The following GMDS variants were observed in gnomAD, a reference collection of about 807,000 sequenced individuals.
GMDS encodes the protein GDP-mannose 4,6 dehydratase.
In GMDS, 20 loss-of-function variants were observed where a neutral mutation model predicts 49.9. The ratio of observed to expected loss-of-function variants is 0.40; its 90% CI spans 0.28 to 0.58. The LOEUF is 0.58. GMDS is among the 20% of genes least tolerant of loss of function. GMDS has a pLI of 0.42. For missense variants in GMDS, 362 were observed against 481.4 expected (o/e 0.75, Z 2.32); for synonymous variants, 177 against 178.6 (o/e 0.99, Z 0.07).
chr6:2,013,339 A>G (rs1020248279), intron 4 of GMDS, among the ~76,000 whole-genome samples: 4 of 152,178 alleles, frequency 2.6e-5, no homozygotes, highest in African/African-American at 9.7e-5. Flanking sequence ...AAAACCTCAC[A>G]CTAAAAGCTT....
intron 9 of GMDS, among the ~76,000 whole-genome samples, chr6:1,690,612 T>TGACATATTA (rs1765137741): frequency 6.6e-6 from 1 of 152,200 alleles, no homozygotes; most frequent in African/African-American, 2.4e-5. Flanking sequence ...TCTATCCATC[T>TGACATATTA]GACAAAGGTC....
At chr6:1,925,097 G>C (rs1761928638) in intron 7 of GMDS, among the ~76,000 whole-genome samples, 1 of 152,152 alleles carries the variant, frequency 6.6e-6, no homozygotes, top group Non-Finnish European at 1.5e-5. Flanking sequence ...TGTTCAAAAT[G>C]CAACAGTAAT....
chr6:2,210,949 T>C (rs1431595814), intron 1 of GMDS, among the ~76,000 whole-genome samples: 1 of 152,160 alleles, frequency 6.6e-6, no homozygotes, highest in East Asian at 1.9e-4. Flanking sequence ...GATCTGATGG[T>C]TTAAAAGTGT....
At chr6:2,071,880 T>C (rs1438451616) in intron 4 of GMDS, among the ~76,000 whole-genome samples, 3 of 152,192 alleles carry the variant, frequency 2.0e-5, no homozygotes, top group Non-Finnish European at 4.4e-5. Context: ...TCTTGGGAAG[T>C]TCACAGCACA....
intron 7 of GMDS, among the ~76,000 whole-genome samples, chr6:1,870,375 G>A (rs188309822): frequency 3.3e-4 from 50 of 152,268 alleles, no homozygotes; most frequent in African/African-American, 1.2e-3. Context: ...CAGCAACGAA[G>A]ATACGCCCAA....
intron 7 of GMDS, among the ~76,000 whole-genome samples, chr6:1,862,397 G>A (rs987073632): frequency 2.6e-5 from 4 of 152,150 alleles, no homozygotes; most frequent in South Asian, 4.1e-4. Context: ...CTTCGAATCC[G>A]GGGGGACATC....
chr6:1,694,485 C>T (rs12206340), intron 9 of GMDS, among the ~76,000 whole-genome samples: 11,857 of 152,244 alleles, frequency 0.078, 520 homozygotes, highest in East Asian at 0.11. Flanking sequence ...TAAGGTCACA[C>T]TGCAGTAAAT....
chr6:2,143,309 T>C (rs144879666), intron 1 of GMDS, among the ~76,000 whole-genome samples: 24 of 152,152 alleles, frequency 1.6e-4, no homozygotes, highest in South Asian at 1.2e-3. Flanking sequence ...ACATTGTCAA[T>C]TGAGGGGCAC....
chr6:1,776,054 G>A (rs556080040), intron 7 of GMDS, among the ~76,000 whole-genome samples: 18 of 152,264 alleles, frequency 1.2e-4, no homozygotes, highest in South Asian at 1.0e-3. Context: ...TGCTACCGTC[G>A]TGGAATGACA....
At chr6:1,973,022 A>C (rs1764705648) in intron 4 of GMDS, among the ~76,000 whole-genome samples, 1 of 152,222 alleles carries the variant, frequency 6.6e-6, no homozygotes, top group African/African-American at 2.4e-5. Flanking sequence ...TGGTAGTGAC[A>C]AAATTTCAGT....
At chr6:1,819,774 A>ATATATATATATATAT (rs1554123170) in intron 7 of GMDS, among the ~76,000 whole-genome samples, 4 of 123,778 alleles carry the variant, frequency 3.2e-5, no homozygotes, top group African/African-American at 1.1e-4. Context: ...AAAAAAAAAA[A>ATATATATATATATAT]AAATATATAT....
At position 2,121,165 on chromosome 6, in the gene GMDS, C is replaced by T. The variant is rs79551503; in HGVS notation, c.147+3522G>A. Among the ~76,000 whole-genome samples, 128 of 152,312 alleles carry T rather than the reference C, an allele frequency of 8.4e-4. 2 individuals carry two copies. In the East Asian group the frequency reaches 0.023, roughly 27 times the overall value. On this transcript the variant is annotated intron_variant, in intron 2 of 10. Coordinates refer to ENST00000380815, the MANE Select transcript of GMDS (RefSeq NM_001500.4). ...CAGGTGTCCAGTGCCCAGCCTGAGG[C>T]TCCTTTGCCACAGCGAGCTAACCAC... is the stretch of plus-strand genomic sequence containing the variant.
At chr6:1,924,616 C>G (rs1162626011) in intron 7 of GMDS, among the ~76,000 whole-genome samples, 1 of 152,164 alleles carries the variant, frequency 6.6e-6, no homozygotes, top group African/African-American at 2.4e-5. Flanking sequence ...TCATTGGGAC[C>G]ATATACTGCC....
At chr6:2,116,373 T>C (rs1324429361) in intron 3 of GMDS, among the ~76,000 whole-genome samples, 1 of 152,216 alleles carries the variant, frequency 6.6e-6, no homozygotes, top group Non-Finnish European at 1.5e-5. Flanking sequence ...TGTGGTGACA[T>C]AATTGATTGA....
At chr6:2,091,504 T>C (rs62392573) in intron 4 of GMDS, among the ~76,000 whole-genome samples, 29,033 of 152,074 alleles carry the variant, frequency 0.19, 3,046 homozygotes, top group Admixed American at 0.22. Flanking sequence ...GTTTAGTCAC[T>C]AGAACAAAGA....
At chr6:1,738,304 T>G (rs1174027786) in intron 8 of GMDS, among the ~76,000 whole-genome samples, 1 of 152,244 alleles carries the variant, frequency 6.6e-6, no homozygotes, top group Non-Finnish European at 1.5e-5. Flanking sequence ...ACCTTACATT[T>G]TATCAGGACT....
intron 1 of GMDS, among the ~76,000 whole-genome samples, chr6:2,169,188 T>A (rs1276042303): frequency 6.6e-6 from 1 of 152,202 alleles, no homozygotes; most frequent in Non-Finnish European, 1.5e-5. Context: ...AATTAAGAAC[T>A]GGAAGGCACT....
chr6:1,939,887 G>T (rs2628436), intron 6 of GMDS, among the ~76,000 whole-genome samples: 1 of 151,942 alleles, frequency 6.6e-6, no homozygotes, highest in Non-Finnish European at 1.5e-5. Flanking sequence ...GCAACCTTGG[G>T]CGCCCTCTGA....
intron 4 of GMDS, among the ~76,000 whole-genome samples, chr6:2,047,680 G>A (rs569970067): frequency 2.0e-5 from 3 of 151,842 alleles, no homozygotes; most frequent in African/African-American, 7.3e-5. Flanking sequence ...GTAGAGATGG[G>A]GTCTCGCCAT....
Sources: allele counts gnomAD v4.1 joint callset (sites outside exome capture counted in the v4.1 genomes callset), GRCh38; gene constraint gnomAD v4.1.1; transcripts MANE v1.5; gene names NCBI Gene and HGNC (gene_info 2026-07-23, HGNC 2026-07-21).